The following RMDN2 variants were observed in gnomAD, a reference collection of about 807,000 sequenced individuals.
The protein encoded by RMDN2 is regulator of microtubule dynamics 2, also known as regulator of microtubule dynamics protein 2.
A neutral mutation model predicts 52.8 loss-of-function variants in RMDN2; 61 were observed. The observed-to-expected ratio is 1.16, with a 90% confidence interval of 0.94 to 1.43. The LOEUF (loss-of-function observed/expected upper bound fraction) is 1.43, where lower values mean the gene tolerates loss of function less well. Ranked by LOEUF, RMDN2 falls within the 40% of genes most tolerant of loss-of-function variation. The probability of loss-of-function intolerance (pLI) is 0.00; values close to 1 mark genes in which losing one functional copy is unlikely to be tolerated. For missense variants in RMDN2, 592 were observed against 475.3 expected (o/e 1.25, Z -2.28); for synonymous variants, 180 against 153.1 (o/e 1.18, Z -1.30).
At chr2:38,015,628 C>G (rs1044358149) in intron 10 of RMDN2, among the ~76,000 whole-genome samples, 1 of 151,958 alleles carries the variant, frequency 6.6e-6, no homozygotes, top group African/African-American at 2.4e-5. Flanking sequence ...GGATTTTACT[C>G]AGAAAGAGTA....
At chr2:37,993,144 C>T (rs964650281) in intron 7 of RMDN2, among the ~76,000 whole-genome samples, 2 of 152,106 alleles carry the variant, frequency 1.3e-5, no homozygotes, top group Admixed American at 1.3e-4. Flanking sequence ...AGGCTGGTCT[C>T]ACACTCCTGG....
intron 10 of RMDN2, among the ~76,000 whole-genome samples, chr2:38,059,248 T>G (rs1036887005): frequency 6.6e-6 from 1 of 152,232 alleles, no homozygotes; most frequent in Non-Finnish European, 1.5e-5. Flanking sequence ...AATAGCCACA[T>G]GTGACTAGTG....
At chr2:37,925,095 G>A (rs902520748), upstream of RMDN2, among the ~76,000 whole-genome samples, 1 of 152,198 alleles carries the variant, frequency 6.6e-6, no homozygotes, top group Non-Finnish European at 1.5e-5. Flanking sequence ...AAAAGGTGCC[G>A]ACCGGCTTCG....
chr2:37,948,241 G>T (rs184964711), intron 2 of RMDN2, among the ~76,000 whole-genome samples: 2 of 152,210 alleles, frequency 1.3e-5, no homozygotes, highest in African/African-American at 4.8e-5. Context: ...AAGCTCTGTG[G>T]GTGACTCTTA....
At chr2:38,020,705 G>C (rs1038583861), downstream of RMDN2, among the ~76,000 whole-genome samples, 1 of 152,216 alleles carries the variant, frequency 6.6e-6, no homozygotes, top group Non-Finnish European at 1.5e-5. Flanking sequence ...CTGGCTCACT[G>C]GCGGTGTGCT....
intron 10 of RMDN2, among the ~76,000 whole-genome samples, chr2:38,016,812 T>C (rs1224991075): frequency 2.0e-5 from 3 of 152,082 alleles, no homozygotes; most frequent in Admixed American, 6.6e-5. Context: ...GGCGAGCTTT[T>C]TCCAGGAGGA....
upstream of RMDN2, among the ~76,000 whole-genome samples, chr2:37,921,628 G>C (rs77769374): frequency 8.6e-3 from 1,312 of 152,266 alleles, 13 homozygotes; most frequent in Admixed American, 0.019. Flanking sequence ...CACATTAGAA[G>C]GGCTATGATG....
At chr2:37,935,145 C>T (rs928401615) in intron 2 of RMDN2, among the ~76,000 whole-genome samples, 74 of 151,946 alleles carry the variant, frequency 4.9e-4, no homozygotes, top group African/African-American at 1.7e-3. Flanking sequence ...ACTGATTATT[C>T]GAAAATAACA....
intron 2 of RMDN2, among the ~76,000 whole-genome samples, chr2:37,968,221 A>G (rs1030764993): frequency 1.3e-5 from 2 of 152,076 alleles, no homozygotes; most frequent in East Asian, 3.9e-4. Context: ...TGGGCAGATC[A>G]CTTGAGGTCA....
intron 10 of RMDN2, among the ~76,000 whole-genome samples, chr2:38,062,165 A>T (rs1474520221): frequency 6.6e-6 from 1 of 152,234 alleles, no homozygotes; most frequent in Non-Finnish European, 1.5e-5. Context: ...GTATACATCC[A>T]TGTAACCACT....
At chr2:38,043,510 A>T (rs1241808529) in intron 10 of RMDN2, among the ~76,000 whole-genome samples, 2 of 152,130 alleles carry the variant, frequency 1.3e-5, no homozygotes, top group Non-Finnish European at 2.9e-5. Context: ...TTATTGGATA[A>T]ATATCCACCT....
chr2:38,047,443 T>C (rs1013239392), intron 10 of RMDN2, among the ~76,000 whole-genome samples: 5 of 152,148 alleles, frequency 3.3e-5, no homozygotes, highest in Admixed American at 1.3e-4. Context: ...CAACAAAAAA[T>C]GTACTACTGA....
At chr2:37,989,405 G>A (rs1674462657) in intron 5 of RMDN2, 136 bp from the exon 6 acceptor site, 2 of 622,396 alleles carry the variant, frequency 3.2e-6, no homozygotes, top group Non-Finnish European at 5.8e-6. Flanking sequence ...TATTGTTAGG[G>A]CCCTTATATT....
At chr2:37,946,915 GT>G (rs1279173926) in intron 2 of RMDN2, among the ~76,000 whole-genome samples, 1 of 152,048 alleles carries the variant, frequency 6.6e-6, no homozygotes, top group Non-Finnish European at 1.5e-5. Context: ...TATACTTATA[GT>G]TTTCATTGTT....
chr2:37,999,174 A>G (rs556611074), intron 8 of RMDN2, among the ~76,000 whole-genome samples: 167 of 152,352 alleles, frequency 1.1e-3, no homozygotes, highest in Non-Finnish European at 2.0e-3. Context: ...AAGTAGCACA[A>G]TAATGCTGAG....
chr2:38,047,268 G>A (rs1190869984), intron 10 of RMDN2, among the ~76,000 whole-genome samples: 1 of 152,104 alleles, frequency 6.6e-6, no homozygotes, highest in Non-Finnish European at 1.5e-5. Flanking sequence ...AGGTAAATAC[G>A]TAAGTAAAAA....
At chr2:38,052,705 A>C (rs1211537685) in intron 10 of RMDN2, among the ~76,000 whole-genome samples, 2 of 152,176 alleles carry the variant, frequency 1.3e-5, no homozygotes, top group Non-Finnish European at 2.9e-5. Context: ...ATCCTCAGAC[A>C]ACTTGTCTTT....
intron 2 of RMDN2, among the ~76,000 whole-genome samples, chr2:37,953,645 C>CT (rs1669112765): frequency 6.6e-6 from 1 of 152,156 alleles, no homozygotes; most frequent in South Asian, 2.1e-4. Context: ...AATGCACTGT[C>CT]TATGAACACG....
intron 2 of RMDN2, among the ~76,000 whole-genome samples, chr2:37,938,813 G>A (rs547614203): frequency 1.2e-4 from 18 of 151,970 alleles, no homozygotes; most frequent in South Asian, 8.3e-4. Context: ...TCTGGCTAGC[G>A]GTCTATCTAT....
Sources: gnomAD v4.1 joint callset for allele counts (sites outside exome capture counted in the v4.1 genomes callset) on GRCh38, gnomAD v4.1.1 for gene constraint, MANE v1.5 for transcripts, NCBI Gene and HGNC (gene_info 2026-07-23, HGNC 2026-07-21) for gene names.